The following GPT2 variants were observed in gnomAD, a reference collection of about 807,000 sequenced individuals.
GPT2 encodes glutamic--pyruvic transaminase 2, also known as alanine aminotransferase 2.
In GPT2, 30 loss-of-function variants were observed where a neutral mutation model predicts 56.9. That is an observed-to-expected ratio of 0.53 (90% CI 0.39 to 0.72). The LOEUF (loss-of-function observed/expected upper bound fraction) is 0.72. GPT2 is among the 30% of genes least tolerant of loss of function. GPT2 has a pLI of 0.00. For synonymous variants in GPT2, 271 were observed against 283.1 expected (o/e 0.96, Z 0.43); for missense variants, 542 against 703.4 (o/e 0.77, Z 2.60).
chr16:46,926,149 AAAGG>A (rs1292854259), intron 10 of GPT2, among the ~76,000 whole-genome samples: 1 of 151,006 alleles, frequency 6.6e-6, no homozygotes, highest in Non-Finnish European at 1.5e-5. Context: ...AAAAAAAAAA[AAAGG>A]AATCCGTGGT....
At chr16:46,902,498 G>C (rs1007139315) in intron 4 of GPT2, among the ~76,000 whole-genome samples, 11 of 152,244 alleles carry the variant, frequency 7.2e-5, no homozygotes, top group Non-Finnish European at 1.2e-4. Flanking sequence ...CCTACGCTCT[G>C]GGCAGCCTGA....
At chr16:46,890,238 T>G (rs1567332426) in intron 2 of GPT2, among the ~76,000 whole-genome samples, 2 of 152,226 alleles carry the variant, frequency 1.3e-5, no homozygotes, top group Admixed American at 6.5e-5. Flanking sequence ...TCTGGGACTG[T>G]GGGGTCTAGT....
intron 10 of GPT2, among the ~76,000 whole-genome samples, chr16:46,926,312 G>A (rs1218379758): frequency 6.6e-6 from 1 of 151,910 alleles, no homozygotes; most frequent in Non-Finnish European, 1.5e-5. Flanking sequence ...AGCCAGGTGT[G>A]GTGGCACATG....
chr16:46,931,216 A>G lies in GPT2; in HGVS notation c.*2219A>G, dbSNP rs1961538611. ...GCTGTTTTCCCGTCTAGGTTCTCACAGGTATCTCCTGACAGAGGTACTTAA... is the reference window on the plus strand; with the variant it reads ...GCTGTTTTCCCGTCTAGGTTCTCACGGGTATCTCCTGACAGAGGTACTTAA... On this transcript the variant is annotated 3_prime_UTR_variant, in exon 12 of 12. Coordinates refer to ENST00000340124, the MANE Select transcript of GPT2 (RefSeq NM_133443.4). The G allele has an allele frequency of 6.6e-6, 1 of 152,202 alleles. No individual in the cohort carries two copies. Among genetic ancestry groups the G allele is most frequent in the Non-Finnish European group, 1.5e-5 (1 of 68,038 alleles). The allele number at this position is 152,202 out of a possible 1,614,324, so 9.4% of individuals were successfully genotyped here.
chr16:46,908,359 G>C (rs966867019), intron 5 of GPT2, among the ~76,000 whole-genome samples: 1 of 150,916 alleles, frequency 6.6e-6, no homozygotes, highest in African/African-American at 2.5e-5. Flanking sequence ...CCTGGGCTTG[G>C]GGGACTGGTG....
chr16:46,898,980 A>ATG (rs1355571239), intron 3 of GPT2, among the ~76,000 whole-genome samples: 1 of 7,016 alleles, frequency 1.4e-4, no homozygotes, highest in African/African-American at 1.9e-4. Context: ...ACACACATAT[A>ATG]TATATATATA....
At chr16:46,916,446 C>T (rs1031064054) in intron 6 of GPT2, 182 bp from the exon 7 acceptor site, 7 of 613,188 alleles carry the variant, frequency 1.1e-5, no homozygotes, top group South Asian at 2.0e-5. Flanking sequence ...CTCTTCTGGG[C>T]GTCCCTGGAG....
Position 46,884,736 on chromosome 16 carries a change from G to C in GPT2, c.21G>C (p.Leu7=), listed in dbSNP as rs770339641. 3.6e-6 allele frequency: 5 copies of C among 1,390,046 alleles called. No individual in the cohort carries two copies. The South Asian group carries it at 9.9e-5, about 28-fold the overall frequency. The allele number at this position is 1,390,046 out of a possible 1,614,324, so 86.1% of individuals were successfully genotyped here. Residue 7 remains leucine (L), a synonymous_variant, in exon 2 of 12, where the codon CTG becomes CTC. Transcript: ENST00000340124. The part of the protein sequence containing the change: MQRAAA[L]VRRGCGPRTP... ...GCGCGATGCAGCGGGCGGCGGCGCT[G>C]GTCCGGCGGGGCTGTGGTCCCCGGA...
At position 46,916,632 on chromosome 16, in the gene GPT2, G is replaced by A. The variant is rs1312096123; in HGVS notation, c.825G>A (p.Gln275=). 2 of 1,613,150 alleles carry A rather than the reference G, an allele frequency of 1.2e-6. No individual in the cohort carries two copies. Among genetic ancestry groups the A allele is most frequent in the Non-Finnish European group, 1.7e-6 (2 of 1,179,190 alleles). ...GTTTTCTTGGGGATTTTATAGGCCAGGTACAAAGCAGAAAGTGCATAGAAG... is the reference window on the plus strand; with the variant it reads ...GTTTTCTTGGGGATTTTATAGGCCAAGTACAAAGCAGAAAGTGCATAGAAG... The part of the protein sequence containing the change: ...CIINPGNPTG[Q]VQSRKCIEDV... Residue 275 remains glutamine (Q), a synonymous_variant, in exon 7 of 12, where the codon CAG becomes CAA. Transcript: ENST00000340124.
chr16:46,900,642 TG>T, intron 3 of GPT2, 39 bp from the exon 4 acceptor site: 1 of 1,493,966 alleles, frequency 6.7e-7, no homozygotes. Context: ...GCTCTAGGAG[TG>T]GGGGTGCTGG....
chr16:46,922,203 C>A (rs371486020), intron 8 of GPT2, 39 bp from the exon 9 acceptor site: 10 of 1,602,602 alleles, frequency 6.2e-6, no homozygotes, highest in Non-Finnish European at 5.1e-6. Flanking sequence ...TGAGGTCTTT[C>A]TATAACTGGT....
At chr16:46,885,165 G>A in intron 2 of GPT2, 1 of 1,293,726 alleles carries the variant, frequency 7.7e-7, no homozygotes, top group East Asian at 3.1e-5. Context: ...TTGCAATACG[G>A]TTCACTTGTT....
intron 3 of GPT2, 121 bp from the exon 4 acceptor site, chr16:46,900,561 G>A (rs1347220101): frequency 1.3e-5 from 9 of 709,980 alleles, no homozygotes; most frequent in Middle Eastern, 3.4e-4. Flanking sequence ...CTGAGTCCTC[G>A]CAGAGAGGCT....
chr16:46,916,575 A>T, intron 6 of GPT2, 53 bp from the exon 7 acceptor site: 1 of 1,357,226 alleles, frequency 7.4e-7, no homozygotes. Flanking sequence ...TGACCTGGGG[A>T]CAATTTAAAC....
chr16:46,915,467 C>T (rs1163896345), intron 6 of GPT2: 1 of 150,672 alleles, frequency 6.6e-6, no homozygotes, highest in Non-Finnish European at 1.5e-5. Flanking sequence ...CACCCCACCA[C>T]ACCTGCACAC....
At chr16:46,926,644 C>CT (rs1961419482) in intron 10 of GPT2, among the ~76,000 whole-genome samples, 1 of 152,232 alleles carries the variant, frequency 6.6e-6, no homozygotes, top group Admixed American at 6.5e-5. Context: ...GAAGCCACTG[C>CT]TGATGCCTGT....
chr16:46,905,950 C>T (rs762199752), intron 4 of GPT2, among the ~76,000 whole-genome samples: 4 of 152,104 alleles, frequency 2.6e-5, no homozygotes, highest in South Asian at 2.1e-4. Flanking sequence ...TAAATGGCAG[C>T]GGGAGGGTAT....
chr16:46,908,825 A>G (rs1960987977), intron 5 of GPT2, among the ~76,000 whole-genome samples: 1 of 152,216 alleles, frequency 6.6e-6, no homozygotes. Context: ...GAAAGAATCA[A>G]GTCATTGTAC....
chr16:46,898,122 G>A (rs561272682), intron 3 of GPT2, among the ~76,000 whole-genome samples: 1 of 152,340 alleles, frequency 6.6e-6, no homozygotes, highest in African/African-American at 2.4e-5. Flanking sequence ...TCCCACTTGA[G>A]ACCCTCCTGG....
Sources: gnomAD v4.1 joint callset for allele counts (sites outside exome capture counted in the v4.1 genomes callset) on GRCh38, gnomAD v4.1.1 for gene constraint, MANE v1.5 for transcripts, NCBI Gene and HGNC (gene_info 2026-07-23, HGNC 2026-07-21) for gene names.